PCDHGA7: variants seen among roughly 807,000 people sequenced by gnomAD.
PCDHGA7 encodes the protein protocadherin gamma-A7.
Under a neutral mutation model 58.3 loss-of-function variants are expected in PCDHGA7, and 44 were observed. The ratio of observed to expected loss-of-function variants is 0.75; its 90% CI spans 0.59 to 0.97. The LOEUF is 0.97. Among genes scored for constraint, PCDHGA7 ranks in the 50% least tolerant of loss-of-function variants. PCDHGA7 has a pLI of 0.00. For synonymous variants in PCDHGA7, 516 were observed against 504.2 expected, an observed-to-expected ratio of 1.02 and a Z score of -0.31; for missense variants, 1,266 against 1,188.7, an observed-to-expected ratio of 1.06 and a Z score of -0.96.
At position 141,431,363 on chromosome 5, in the gene PCDHGA7, C is replaced by T. The variant is rs765751691; in HGVS notation, c.2424+46040C>T. On this transcript the variant is annotated intron_variant, in intron 1 of 3. Transcript: ENST00000518325. The surrounding 1 kb of genome is among the most constrained non-coding windows in gnomAD (Gnocchi z 4.8). The stretch of plus-strand genomic sequence containing the variant: ...ATTGGTGCTGAAACGCGCCCTGGAC[C>T]GCGAAGAAAAGGCTGCTCACCACCT... 1 of 1,614,024 alleles carries T rather than the reference C, an allele frequency of 6.2e-7. No homozygotes were observed. The highest frequency in any genetic ancestry group is 2.2e-5 in the East Asian group (1 of 44,882).
chr5:141,468,486 TG>T (rs1562016448), intron 1 of PCDHGA7: 14 of 152,288 alleles, frequency 9.2e-5, no homozygotes. Context: ...GTAGGTCTCA[TG>T]GAAGATTTTC....
At chr5:141,502,534 C>T (rs565889110) in intron 2 of PCDHGA7, among the ~76,000 whole-genome samples, 10 of 152,074 alleles carry the variant, frequency 6.6e-5, no homozygotes, top group Non-Finnish European at 1.0e-4. Context: ...CGAGTTTGTT[C>T]GTGTGGTAAA....
At chr5:141,409,952 C>T (rs892751686) in intron 1 of PCDHGA7, 2 of 1,613,232 alleles carry the variant, frequency 1.2e-6, no homozygotes, top group Non-Finnish European at 1.7e-6. Context: ...CTCTGCAGAG[C>T]CCGGCTACCT....
intron 1 of PCDHGA7, chr5:141,410,799 C>A: frequency 1.8e-6 from 1 of 560,610 alleles, no homozygotes; most frequent in Non-Finnish European, 2.6e-6. Flanking sequence ...ATAAGTTGCT[C>A]TATCTTTTTG....
Position 141,490,711 on chromosome 5 carries a change from T to C in PCDHGA7, c.2425-4096T>C. ...CACTGGGGATAATGCCCGCCTCACC[T>C]ACTCCATTGTAGGAAATCAGGTTCA... On this transcript the variant is annotated intron_variant, in intron 1 of 3. Transcript: ENST00000518325. The surrounding 1 kb of genome is among the most constrained non-coding windows in gnomAD (Gnocchi z 5.4). The C allele has an allele frequency of 6.2e-7, 1 of 1,614,200 alleles. No individual in the cohort carries two copies. Among genetic ancestry groups the C allele is most frequent in the Non-Finnish European group, 8.5e-7 (1 of 1,180,002 alleles).
At chr5:141,415,696 G>C (rs867312295) in intron 1 of PCDHGA7, 12 of 1,397,434 alleles carry the variant, frequency 8.6e-6, no homozygotes, top group Non-Finnish European at 1.1e-5. Flanking sequence ...GGTGGAAAGT[G>C]TAAATGCTAA....
intron 1 of PCDHGA7, chr5:141,414,350 C>G (rs1450829111): frequency 6.2e-7 from 1 of 1,613,726 alleles, no homozygotes; most frequent in East Asian, 2.2e-5. Context: ...TCCATTTTGG[C>G]GTATCTACCA....
chr5:141,470,871 T>C (rs1036871133), intron 1 of PCDHGA7, among the ~76,000 whole-genome samples: 1 of 151,822 alleles, frequency 6.6e-6, no homozygotes, highest in Admixed American at 6.6e-5. Flanking sequence ...TGTTTGTTTG[T>C]TTTTTTGTTT....
Position 141,477,749 on chromosome 5 carries a change from C to T in PCDHGA7, c.2425-17058C>T. The stretch of plus-strand genomic sequence containing the variant: ...AGCTCATATCAGCGATGGGGGCACC[C>T]CGGTCCTAGCCACCAACATCAGCGT... On this transcript the variant is annotated intron_variant, in intron 1 of 3. Transcript: ENST00000518325. The surrounding 1 kb of genome is among the most constrained non-coding windows in gnomAD (Gnocchi z 4.9). 1 of 1,613,904 alleles carries T rather than the reference C, an allele frequency of 6.2e-7. No homozygotes were observed. Among genetic ancestry groups the T allele is most frequent in the Non-Finnish European group, 8.5e-7 (1 of 1,180,030 alleles).
intron 3 of PCDHGA7, among the ~76,000 whole-genome samples, chr5:141,510,556 T>TA (rs2099881668): frequency 6.6e-6 from 1 of 152,178 alleles, no homozygotes; most frequent in African/African-American, 2.4e-5. Flanking sequence ...TTTGAGCACT[T>TA]ACATCTACCA....
chr5:141,394,069 A>G (rs1054107584), intron 1 of PCDHGA7: 1 of 1,613,862 alleles, frequency 6.2e-7, no homozygotes, highest in African/African-American at 1.3e-5. Context: ...TCTATCTACA[A>G]TATCACAGTG....
chr5:141,432,300 T>G lies in PCDHGA7; in HGVS notation c.2424+46977T>G, dbSNP rs1280788604. ...TCCATCAACTCCGACACTGGGGTACTGTATGCGCTGAGCTCCTTCGACTAC... is the reference window on the plus strand; with the variant it reads ...TCCATCAACTCCGACACTGGGGTACGGTATGCGCTGAGCTCCTTCGACTAC... On this transcript the variant is annotated intron_variant, in intron 1 of 3. Transcript: ENST00000518325. The surrounding 1 kb of genome is among the most constrained non-coding windows in gnomAD (Gnocchi z 6.0). 1.9e-6 allele frequency: 3 copies of G among 1,614,158 alleles called. No homozygotes were observed. The highest frequency in any genetic ancestry group is 2.5e-6 in the Non-Finnish European group (3 of 1,180,056).
chr5:141,473,700 C>G (rs1474416849), intron 1 of PCDHGA7, among the ~76,000 whole-genome samples: 1 of 152,148 alleles, frequency 6.6e-6, no homozygotes, highest in Non-Finnish European at 1.5e-5. Context: ...GACCACCCTC[C>G]AAGTGGTGCA....
intron 3 of PCDHGA7, among the ~76,000 whole-genome samples, chr5:141,509,568 C>T (rs535982453): frequency 3.3e-5 from 5 of 152,336 alleles, no homozygotes; most frequent in Admixed American, 2.0e-4. Flanking sequence ...GCAGCCTTCA[C>T]AGTGCGTACA....
intron 3 of PCDHGA7, among the ~76,000 whole-genome samples, chr5:141,509,044 C>G (rs1385744160): frequency 1.3e-5 from 2 of 152,130 alleles, no homozygotes. Flanking sequence ...CCCTCTCCCC[C>G]GCCCCCAGAA....
intron 1 of PCDHGA7, among the ~76,000 whole-genome samples, chr5:141,451,542 G>A (rs1023356681): frequency 3.3e-5 from 5 of 152,148 alleles, no homozygotes; most frequent in Non-Finnish European, 7.3e-5. Context: ...GCCAGAGAGG[G>A]CAAATGTGAT....
At position 141,480,524 on chromosome 5, in the gene PCDHGA7, AAAG is replaced by A. The variant is rs1342230573; in HGVS notation, c.2425-14282_2425-14280del. Among the ~76,000 whole-genome samples, 4 of 127,792 alleles carry A rather than the reference AAAG, an allele frequency of 3.1e-5. No homozygotes were observed. The East Asian group carries it at 7.7e-4, about 25-fold the overall frequency. 83.8% of individuals were successfully genotyped at this position (127,792 alleles called of 152,430 possible). On this transcript the variant is annotated intron_variant, in intron 1 of 3. Transcript: ENST00000518325. Reference sequence around the variant, plus strand: ...ACATATGAGAACAACCAAAAATGACAAAGTAGAAGCACATATGAAAAGGCTAAG... The same window carrying A: ...ACATATGAGAACAACCAAAAATGACATAGAAGCACATATGAAAAGGCTAAG...
rs1778825572 is a variant in PCDHGA7, at chr5:141,383,111, G to A, written c.212G>A (p.Arg71Lys). Residue 71 changes from arginine to lysine, a missense_variant, in exon 1 of 4, where the codon AGG becomes AAG. Transcript: ENST00000518325. ...ERGVRIISRG[R>K]TQLFALNQRS... ...GGAGTCCGCATCATCTCCAGAGGTA[G>A]GACGCAGCTTTTCGCCCTGAACCAG... 1.9e-6 allele frequency: 3 copies of A among 1,614,040 alleles called. No homozygotes were observed. The highest frequency in any genetic ancestry group is 2.5e-6 in the Non-Finnish European group (3 of 1,179,956).
chr5:141,490,251 A>G lies in PCDHGA7; in HGVS notation c.2425-4556A>G, dbSNP rs1479384008. ...CCATGGAGGGCCACTGTGTGATTCA[A>G]GTGGATGTGGGGGATGTCAATGACA... is the stretch of plus-strand genomic sequence containing the variant. On this transcript the variant is annotated intron_variant, in intron 1 of 3. Coordinates refer to ENST00000518325, the MANE Select transcript of PCDHGA7 (RefSeq NM_018920.4). This position sits in a 1 kb window ranked among gnomAD's most constrained non-coding sequence, Gnocchi z 5.4. 6.2e-7 allele frequency: 1 copy of G among 1,614,210 alleles called. No homozygotes were observed. Among genetic ancestry groups the G allele is most frequent in the Non-Finnish European group, 8.5e-7 (1 of 1,180,036 alleles).
Sources: gnomAD v4.1 joint callset for allele counts (sites outside exome capture counted in the v4.1 genomes callset) on GRCh38, gnomAD v4.1.1 for gene constraint, Gnocchi (gnomAD v3.1) non-coding constraint, MANE v1.5 for transcripts, NCBI Gene and HGNC (gene_info 2026-07-23, HGNC 2026-07-21) for gene names.